The following CA10 variants were observed in gnomAD, a reference collection of about 807,000 sequenced individuals.
CA10 encodes carbonic anhydrase 10 (inactive), also known as carbonic anhydrase-related protein 10.
CA10 carries 14 observed loss-of-function variants against 44.2 expected under a neutral mutation model. The observed-to-expected ratio is 0.32, with a 90% confidence interval of 0.21 to 0.50. The LOEUF is 0.50. Ranked by LOEUF, CA10 falls within the 20% of genes least tolerant of loss-of-function variation. The pLI is 0.99. For synonymous variants in CA10, 159 were observed against 141.6 expected (o/e 1.12, Z -0.87); for missense variants, 350 against 409.7 (o/e 0.85, Z 1.26).
At chr17:52,074,875 G>A (rs577503083) in intron 1 of CA10, among the ~76,000 whole-genome samples, 1 of 151,486 alleles carries the variant, frequency 6.6e-6, no homozygotes, top group Non-Finnish European at 1.5e-5. Context: ...TTTTTAAATG[G>A]TTGAAAAAAA....
chr17:51,688,486 G>A (rs1915080893), intron 4 of CA10, among the ~76,000 whole-genome samples: 1 of 152,252 alleles, frequency 6.6e-6, no homozygotes, highest in African/African-American at 2.4e-5. Context: ...CTAAGCTTTA[G>A]CTTTCTTGTC....
intron 2 of CA10, among the ~76,000 whole-genome samples, chr17:52,050,895 CA>C (rs1987046004): frequency 6.6e-6 from 1 of 151,716 alleles, no homozygotes; most frequent in South Asian, 2.1e-4. Context: ...GCTGAGAGGA[CA>C]AGACCATATT....
chr17:51,894,205 G>A (rs1159174386), intron 3 of CA10, among the ~76,000 whole-genome samples: 1 of 151,944 alleles, frequency 6.6e-6, no homozygotes, highest in Admixed American at 6.6e-5. Context: ...AAAATTCTGG[G>A]GGACTCCAAG....
At chr17:51,810,581 G>A (rs1385624202) in intron 3 of CA10, among the ~76,000 whole-genome samples, 1 of 152,170 alleles carries the variant, frequency 6.6e-6, no homozygotes, top group East Asian at 1.9e-4. Flanking sequence ...GGCAGGACTT[G>A]CCTAAAGATG....
At chr17:51,877,285 A>G (rs1421239888) in intron 3 of CA10, among the ~76,000 whole-genome samples, 1 of 152,188 alleles carries the variant, frequency 6.6e-6, no homozygotes, top group Non-Finnish European at 1.5e-5. Context: ...TGAGAAATAA[A>G]ACTTTGTTTA....
intron 3 of CA10, among the ~76,000 whole-genome samples, chr17:51,861,480 CTAT>C (rs1979304293): frequency 1.3e-5 from 2 of 150,736 alleles, no homozygotes; most frequent in African/African-American, 4.9e-5. Context: ...CCCTTTCCCC[CTAT>C]TATATTTTAA....
intron 3 of CA10, among the ~76,000 whole-genome samples, chr17:51,891,324 C>T (rs1479523876): frequency 6.6e-6 from 1 of 152,110 alleles, no homozygotes. Flanking sequence ...AGAGAAAGTG[C>T]TAAGTATTAA....
At chr17:51,955,115 G>A (rs765133199) in intron 2 of CA10, among the ~76,000 whole-genome samples, 6 of 152,100 alleles carry the variant, frequency 3.9e-5, no homozygotes, top group Non-Finnish European at 7.4e-5. Context: ...TTTGGGAGAA[G>A]TACTGAAAGG....
chr17:52,108,699 C>CAAAAA (rs759411898), intron 1 of CA10, among the ~76,000 whole-genome samples: 80 of 91,822 alleles, frequency 8.7e-4, no homozygotes, highest in Non-Finnish European at 1.4e-3. Context: ...GACTCCGTCT[C>CAAAAA]AAAAAAAAAA....
chr17:51,707,607 T>C (rs1273035007), intron 4 of CA10, among the ~76,000 whole-genome samples: 1 of 151,724 alleles, frequency 6.6e-6, no homozygotes, highest in African/African-American at 2.4e-5. Context: ...TTATTGTATA[T>C]GAATGAATTA....
At chr17:51,778,993 A>G (rs1439302085) in intron 3 of CA10, among the ~76,000 whole-genome samples, 1 of 152,162 alleles carries the variant, frequency 6.6e-6, no homozygotes, top group Non-Finnish European at 1.5e-5. Context: ...GCACCATTTT[A>G]TCTACAGCAA....
At chr17:51,638,659 T>A (rs527480761) in intron 6 of CA10, among the ~76,000 whole-genome samples, 1 of 152,274 alleles carries the variant, frequency 6.6e-6, no homozygotes, top group Non-Finnish European at 1.5e-5. Context: ...AAGCCAGGTA[T>A]AGATGAGTAG....
chr17:51,653,568 A>AACAGAG, intron 5 of CA10, 73 bp downstream of exon 5: 3 of 873,536 alleles, frequency 3.4e-6, no homozygotes, highest in Non-Finnish European at 5.9e-6. Flanking sequence ...TTCTAACTCC[A>AACAGAG]ACAGAGACCG....
chr17:51,764,858 T>C (rs1436612330), intron 3 of CA10, among the ~76,000 whole-genome samples: 1 of 152,184 alleles, frequency 6.6e-6, no homozygotes, highest in African/African-American at 2.4e-5. Flanking sequence ...GAGAGGGAAA[T>C]AAACGTCTCC....
intron 4 of CA10, among the ~76,000 whole-genome samples, chr17:51,737,501 A>G (rs1050622030): frequency 1.3e-5 from 2 of 152,102 alleles, no homozygotes; most frequent in Non-Finnish European, 2.9e-5. Context: ...CCTATCACAG[A>G]AGAGTTTTCT....
At chr17:52,092,550 TAATCCATGGGCTGGGA>T (rs1050677733) in intron 1 of CA10, among the ~76,000 whole-genome samples, 1 of 152,144 alleles carries the variant, frequency 6.6e-6, no homozygotes, top group African/African-American at 2.4e-5. Context: ...CTATTCTTCC[TAATCCATGGGCTGGGA>T]AATCCATGGC....
intron 3 of CA10, among the ~76,000 whole-genome samples, chr17:51,772,466 T>A (rs756957773): frequency 5.9e-5 from 9 of 152,164 alleles, no homozygotes; most frequent in Middle Eastern, 3.2e-3. Flanking sequence ...TATATATATA[T>A]CCCTAACATT....
intron 3 of CA10, among the ~76,000 whole-genome samples, chr17:51,849,452 T>C (rs1978693129): frequency 6.6e-6 from 1 of 151,612 alleles, no homozygotes; most frequent in Non-Finnish European, 1.5e-5. Context: ...TAGAACCCCT[T>C]TGAGTGCCTT....
chr17:51,655,248 G>A (rs927730507), intron 4 of CA10, among the ~76,000 whole-genome samples: 10 of 152,164 alleles, frequency 6.6e-5, no homozygotes, highest in African/African-American at 9.6e-5. Context: ...GCTGGCTTTC[G>A]TGTTGTTTCC....
Sources: allele counts gnomAD v4.1 joint callset (sites outside exome capture counted in the v4.1 genomes callset), GRCh38; gene constraint gnomAD v4.1.1; transcripts MANE v1.5; gene names NCBI Gene and HGNC (gene_info 2026-07-23, HGNC 2026-07-21).